Variants in MARCHF1 observed in about 807,000 individuals in gnomAD.
MARCHF1 encodes the protein membrane associated ring-CH-type finger 1.
In MARCHF1, 40 loss-of-function variants were observed where a neutral mutation model predicts 54.2. That is an observed-to-expected ratio of 0.74 (90% CI 0.57 to 0.96). The LOEUF (loss-of-function observed/expected upper bound fraction) is 0.96. MARCHF1 is among the 40% of genes least tolerant of loss of function. The probability of loss-of-function intolerance (pLI) is 0.00; values close to 1 mark genes in which losing one functional copy is unlikely to be tolerated. For missense variants in MARCHF1, 586 were observed against 656.5 expected (o/e 0.89, Z 1.17); for synonymous variants, 236 against 236.3 (o/e 1.00, Z 0.01).
At chr4:163,746,413 G>A (rs12502759) in intron 4 of MARCHF1, among the ~76,000 whole-genome samples, 42,271 of 152,042 alleles carry the variant, frequency 0.28, 7,178 homozygotes, top group Non-Finnish European at 0.39. Context: ...TCACCCAGCG[G>A]GGACATTTGG....
intron 2 of MARCHF1, among the ~76,000 whole-genome samples, chr4:164,083,045 G>A (rs978357447): frequency 2.0e-5 from 3 of 152,062 alleles, no homozygotes; most frequent in Admixed American, 6.6e-5. Flanking sequence ...TATAAATGGT[G>A]GTTTAGACAG....
intron 1 of MARCHF1, among the ~76,000 whole-genome samples, chr4:164,149,151 CT>C (rs34323797): frequency 6.6e-6 from 1 of 152,134 alleles, no homozygotes; most frequent in Non-Finnish European, 1.5e-5. Flanking sequence ...CCCCTTTTGC[CT>C]TTTGCAATGA....
At chr4:163,679,727 C>A (rs949104331) in intron 5 of MARCHF1, among the ~76,000 whole-genome samples, 13 of 152,016 alleles carry the variant, frequency 8.6e-5, no homozygotes, top group African/African-American at 2.9e-4. Flanking sequence ...ATTCTCCTGC[C>A]TCAGCCTCCC....
intron 4 of MARCHF1, among the ~76,000 whole-genome samples, chr4:163,787,386 A>T (rs572126701): frequency 6.6e-6 from 1 of 151,994 alleles, no homozygotes; most frequent in African/African-American, 2.4e-5. Flanking sequence ...ACAATAAAAA[A>T]AAAACCTGAT....
intron 5 of MARCHF1, among the ~76,000 whole-genome samples, chr4:163,635,111 A>G (rs1448980100): frequency 7.0e-5 from 5 of 71,568 alleles, no homozygotes; most frequent in Non-Finnish European, 9.9e-5. Context: ...TGTAGAGGGA[A>G]ATTTATAGCA....
intron 7 of MARCHF1, among the ~76,000 whole-genome samples, chr4:163,587,071 T>C (rs1440017750): frequency 1.3e-5 from 2 of 152,206 alleles, no homozygotes; most frequent in African/African-American, 4.8e-5. Flanking sequence ...ATGAATTGAG[T>C]TGAATTTGTT....
chr4:163,738,286 C>T (rs2111349975), intron 4 of MARCHF1, among the ~76,000 whole-genome samples: 1 of 152,218 alleles, frequency 6.6e-6, no homozygotes. Context: ...TGGAAGTTTC[C>T]ACCAAAGAAC....
intron 1 of MARCHF1, among the ~76,000 whole-genome samples, chr4:164,278,162 T>C (rs1733935135): frequency 6.6e-6 from 1 of 152,026 alleles, no homozygotes; most frequent in South Asian, 2.1e-4. Context: ...ATACAAAAAT[T>C]AGCCAAGTTT....
intron 5 of MARCHF1, among the ~76,000 whole-genome samples, chr4:163,650,639 G>A (rs1742931031): frequency 6.6e-6 from 1 of 151,860 alleles, no homozygotes. Flanking sequence ...ATAATACAAT[G>A]CCAATTAAAA....
In MARCHF1 at chr4:163,629,488, T is replaced by C. The variant is rs550582290; in HGVS notation, c.163-16095A>G. ...AACTGAGGCAATACCTTTCAGGACA[T>C]AGGTATGGGCAAAGACTTCATGAGT... On this transcript the variant is annotated intron_variant, in intron 5 of 9. Coordinates refer to ENST00000514618, the MANE Select transcript of MARCHF1 (RefSeq NM_001394959.1). Among the ~76,000 whole-genome samples, 179 of 152,230 alleles carry C rather than the reference T, an allele frequency of 1.2e-3. 1 individual carries two copies. Among genetic ancestry groups the C allele is most frequent in the African/African-American group, 4.1e-3 (172 of 41,544 alleles).
intron 1 of MARCHF1, among the ~76,000 whole-genome samples, chr4:164,255,382 A>G (rs953107593): frequency 1.1e-5 from 1 of 93,562 alleles, no homozygotes; most frequent in Non-Finnish European, 2.1e-5. Context: ...ATGAAAAGGC[A>G]AGAAAGATAA....
At chr4:163,933,658 C>A (rs747283845) in intron 3 of MARCHF1, among the ~76,000 whole-genome samples, 4 of 152,222 alleles carry the variant, frequency 2.6e-5, no homozygotes, top group Non-Finnish European at 2.9e-5. Flanking sequence ...TACATTCCCT[C>A]CCATACTCGT....
chr4:164,323,843 T>C (rs978203562), intron 1 of MARCHF1, among the ~76,000 whole-genome samples: 1 of 151,720 alleles, frequency 6.6e-6, no homozygotes, highest in Non-Finnish European at 1.5e-5. Flanking sequence ...GGAAATGTGA[T>C]GAAAGACATA....
At chr4:163,724,374 C>T (rs555364911) in intron 4 of MARCHF1, among the ~76,000 whole-genome samples, 41 of 152,338 alleles carry the variant, frequency 2.7e-4, no homozygotes, top group African/African-American at 7.9e-4. Flanking sequence ...CTGGAAGCTT[C>T]GTCTCAGAGG....
At chr4:164,340,800 TG>T (rs1729903732) in intron 1 of MARCHF1, among the ~76,000 whole-genome samples, 1 of 151,620 alleles carries the variant, frequency 6.6e-6, no homozygotes, top group East Asian at 2.0e-4. Context: ...TCAAGCAATC[TG>T]CCTGCCTTGA....
intron 1 of MARCHF1, among the ~76,000 whole-genome samples, chr4:164,245,152 C>T (rs1374471976): frequency 6.6e-6 from 1 of 151,854 alleles, no homozygotes; most frequent in African/African-American, 2.4e-5. Context: ...AGAGACACAA[C>T]AAAAAAAGAG....
intron 3 of MARCHF1, among the ~76,000 whole-genome samples, chr4:163,935,079 C>T (rs961125933): frequency 1.3e-5 from 2 of 152,200 alleles, no homozygotes. Flanking sequence ...ATACAAACAA[C>T]ATTCATCTCC....
chr4:163,749,909 A>AC (rs1746470594), intron 4 of MARCHF1, among the ~76,000 whole-genome samples: 1 of 151,776 alleles, frequency 6.6e-6, no homozygotes, highest in Non-Finnish European at 1.5e-5. Context: ...TAAAAAAAAA[A>AC]TACAAAAAAA....
intron 4 of MARCHF1, chr4:163,828,884 A>T (rs533505051): frequency 1.3e-4 from 20 of 152,314 alleles, no homozygotes; most frequent in African/African-American, 4.6e-4. Context: ...TCTTGTGCTA[A>T]ATGAAAGCAG....
Sources: allele counts gnomAD v4.1 joint callset (sites outside exome capture counted in the v4.1 genomes callset), GRCh38; gene constraint gnomAD v4.1.1; transcripts MANE v1.5; gene names NCBI Gene and HGNC (gene_info 2026-07-23, HGNC 2026-07-21).